The following TBC1D22A variants were observed in gnomAD, a reference collection of about 807,000 sequenced individuals.
The protein encoded by TBC1D22A is putative GTPase activator.
TBC1D22A carries 38 observed loss-of-function variants against 60.2 expected under a neutral mutation model. The ratio of observed to expected loss-of-function variants is 0.63; its 90% confidence interval spans 0.49 to 0.83. The LOEUF is 0.83. TBC1D22A is among the 40% of genes least tolerant of loss of function. TBC1D22A has a pLI of 0.00. For synonymous variants in TBC1D22A, 302 were observed against 281.7 expected (o/e 1.07, Z -0.72); for missense variants, 628 against 701.0 (o/e 0.90, Z 1.18).
intron 12 of TBC1D22A, among the ~76,000 whole-genome samples, chr22:47,130,054 G>T (rs2066627674): frequency 6.6e-6 from 1 of 152,208 alleles, no homozygotes; most frequent in African/African-American, 2.4e-5. Context: ...GCCTGGACTT[G>T]TCACCTGGGT....
intron 8 of TBC1D22A, among the ~76,000 whole-genome samples, chr22:46,958,455 G>C (rs1042155549): frequency 2.6e-5 from 4 of 152,190 alleles, no homozygotes; most frequent in Admixed American, 1.3e-4. Context: ...GCATATGCAT[G>C]TGGAGAGGCC....
chr22:46,910,870 G>A (rs2069867491), intron 7 of TBC1D22A, among the ~76,000 whole-genome samples: 1 of 149,748 alleles, frequency 6.7e-6, no homozygotes, highest in Non-Finnish European at 1.5e-5. Context: ...GGCGTGGCAG[G>A]CTTTCCAGGC....
At chr22:47,128,449 C>T (rs2066568517) in intron 12 of TBC1D22A, among the ~76,000 whole-genome samples, 1 of 145,014 alleles carries the variant, frequency 6.9e-6, no homozygotes, top group African/African-American at 2.6e-5. Flanking sequence ...GCTTCCGGTG[C>T]CCCCAGCAGG....
intron 11 of TBC1D22A, among the ~76,000 whole-genome samples, chr22:47,062,087 CAAAAAAAA>C (rs908701365): frequency 3.2e-5 from 2 of 63,006 alleles, no homozygotes; most frequent in South Asian, 8.0e-4. Flanking sequence ...GACTCCATCT[CAAAAAAAA>C]AAAAAAAAAA....
intron 12 of TBC1D22A, among the ~76,000 whole-genome samples, chr22:47,119,160 T>C (rs1018770791): frequency 6.6e-6 from 1 of 152,170 alleles, no homozygotes; most frequent in Non-Finnish European, 1.5e-5. Context: ...TAAAATAAAA[T>C]AAAACTTGAA....
intron 4 of TBC1D22A, among the ~76,000 whole-genome samples, chr22:46,875,911 A>G (rs1271858356): frequency 6.6e-6 from 1 of 152,196 alleles, no homozygotes; most frequent in Non-Finnish European, 1.5e-5. Flanking sequence ...TCTGACCTTC[A>G]GGAGCACATA....
intron 8 of TBC1D22A, chr22:46,915,076 A>T (rs572545051): frequency 2.0e-4 from 50 of 253,668 alleles, no homozygotes; most frequent in African/African-American, 1.1e-3. Flanking sequence ...CATTGGGAGG[A>T]AGGGCAGGGC....
chr22:46,788,194 C>G (rs1450488511), intron 1 of TBC1D22A, among the ~76,000 whole-genome samples: 1 of 152,106 alleles, frequency 6.6e-6, no homozygotes, highest in Non-Finnish European at 1.5e-5. Context: ...CCTCGGCCTC[C>G]CAAAGTGCTG....
At chr22:47,024,207 A>G (rs2062178345) in intron 10 of TBC1D22A, among the ~76,000 whole-genome samples, 1 of 152,220 alleles carries the variant, frequency 6.6e-6, no homozygotes, top group Non-Finnish European at 1.5e-5. Flanking sequence ...TAACATAACC[A>G]GACAGAGCTA....
chr22:46,797,379 G>A, intron 3 of TBC1D22A, 65 bp from the exon 4 acceptor site: 2 of 1,580,254 alleles, frequency 1.3e-6, no homozygotes, highest in Non-Finnish European at 8.6e-7. Flanking sequence ...CAGTGGCACA[G>A]CAAGGAGGAA....
chr22:47,022,123 T>A (rs1190620786), intron 10 of TBC1D22A, among the ~76,000 whole-genome samples: 1 of 152,230 alleles, frequency 6.6e-6, no homozygotes, highest in Non-Finnish European at 1.5e-5. Context: ...TGTTGGACAT[T>A]TTTCCTGTTT....
At chr22:47,040,101 C>T (rs1051515832) in intron 11 of TBC1D22A, among the ~76,000 whole-genome samples, 12 of 152,006 alleles carry the variant, frequency 7.9e-5, no homozygotes, top group Admixed American at 5.2e-4. Context: ...CCCGCCACCA[C>T]GCCCGGCTAA....
At chr22:46,936,339 C>A (rs2071653387) in intron 8 of TBC1D22A, among the ~76,000 whole-genome samples, 1 of 151,930 alleles carries the variant, frequency 6.6e-6, no homozygotes, top group Non-Finnish European at 1.5e-5. Context: ...ACGCCCTCGT[C>A]CTGGGGCCAG....
intron 11 of TBC1D22A, among the ~76,000 whole-genome samples, chr22:47,062,732 C>T (rs977723258): frequency 6.6e-6 from 1 of 152,154 alleles, no homozygotes; most frequent in Non-Finnish European, 1.5e-5. Flanking sequence ...GCACAAACTG[C>T]GTATCTGTGA....
intron 4 of TBC1D22A, among the ~76,000 whole-genome samples, chr22:46,857,850 A>G (rs1301604442): frequency 6.6e-6 from 1 of 152,068 alleles, no homozygotes; most frequent in African/African-American, 2.4e-5. Flanking sequence ...CATTGAATGG[A>G]TGTGCTGTGT....
At chr22:46,788,279 C>T (rs2146857291) in intron 1 of TBC1D22A, among the ~76,000 whole-genome samples, 1 of 152,240 alleles carries the variant, frequency 6.6e-6, no homozygotes, top group South Asian at 2.1e-4. Flanking sequence ...AGTTTTTCCA[C>T]CTTTTGAATG....
chr22:46,786,993 C>T (rs1429168085), intron 1 of TBC1D22A, among the ~76,000 whole-genome samples: 1 of 152,188 alleles, frequency 6.6e-6, no homozygotes, highest in East Asian at 1.9e-4. Context: ...GCCTCTAATT[C>T]AGCCTCTTTC....
chr22:47,169,434 G>A (rs1276139112), intron 12 of TBC1D22A, among the ~76,000 whole-genome samples: 2 of 152,180 alleles, frequency 1.3e-5, no homozygotes, highest in African/African-American at 2.4e-5. Context: ...TTGGGCTGGG[G>A]CCAGGACAAT....
chr22:47,008,926 C>T (rs920741340), intron 10 of TBC1D22A, among the ~76,000 whole-genome samples: 1 of 152,120 alleles, frequency 6.6e-6, no homozygotes, highest in Non-Finnish European at 1.5e-5. Context: ...CCAGGAGCAA[C>T]AATGGGAGAT....
Sources: gnomAD v4.1 joint callset for allele counts (sites outside exome capture counted in the v4.1 genomes callset) on GRCh38, gnomAD v4.1.1 for gene constraint, MANE v1.5 for transcripts, NCBI Gene and HGNC (gene_info 2026-07-23, HGNC 2026-07-21) for gene names.